The following SEMA6A variants were observed in gnomAD, a reference collection of about 807,000 sequenced individuals.
SEMA6A encodes the protein semaphorin 6A, also known as semaphorin-6A.
A neutral mutation model predicts 96.8 loss-of-function variants in SEMA6A; 25 were observed. The observed-to-expected ratio is 0.26, with a 90% CI of 0.19 to 0.36. The LOEUF (loss-of-function observed/expected upper bound fraction) is 0.36, where lower values mean the gene tolerates loss of function less well. SEMA6A is among the 10% of genes least tolerant of loss of function. The pLI is 1.00. For missense variants in SEMA6A, 1,363 were observed against 1,323.1 expected, an observed-to-expected ratio of 1.03 and a Z score of -0.47; for synonymous variants, 612 against 518.0, an observed-to-expected ratio of 1.18 and a Z score of -2.46.
chr5:116,491,689 A>G (rs1156674899), intron 7 of SEMA6A, 51 bp downstream of exon 7: 1 of 1,358,830 alleles, frequency 7.4e-7, no homozygotes, highest in East Asian at 2.3e-5. Flanking sequence ...TCACAGTGAC[A>G]GGATGAAACA....
At chr5:116,490,775 T>C (rs1348473165) in intron 7 of SEMA6A, among the ~76,000 whole-genome samples, 2 of 152,208 alleles carry the variant, frequency 1.3e-5, no homozygotes. Context: ...AGCTAGTATG[T>C]GCCAGTTTTT....
chr5:116,473,179 G>T, intron 16 of SEMA6A, 86 bp from the exon 17 acceptor site: 2 of 1,327,548 alleles, frequency 1.5e-6, no homozygotes, highest in Non-Finnish European at 2.1e-6. Flanking sequence ...AGCTAACACA[G>T]AACTATGCCA....
chr5:116,500,184 T>C (rs1317188250), intron 3 of SEMA6A, among the ~76,000 whole-genome samples: 1 of 152,214 alleles, frequency 6.6e-6, no homozygotes, highest in Non-Finnish European at 1.5e-5. Context: ...CTACTCATAA[T>C]GACCATGTTC....
intron 1 of SEMA6A, among the ~76,000 whole-genome samples, chr5:116,513,222 G>A (rs1758503092): frequency 6.6e-6 from 1 of 152,036 alleles, no homozygotes; most frequent in East Asian, 1.9e-4. Flanking sequence ...CTGCCTCCCA[G>A]GTTCAAGTGA....
At chr5:116,555,462 C>T (rs558642761) in intron 1 of SEMA6A, among the ~76,000 whole-genome samples, 5 of 152,206 alleles carry the variant, frequency 3.3e-5, no homozygotes, top group East Asian at 1.9e-4. Context: ...TTTATTGGTA[C>T]GAGTAGTTAA....
At chr5:116,466,566 T>C (rs1430097446) in intron 18 of SEMA6A, among the ~76,000 whole-genome samples, 1 of 152,058 alleles carries the variant, frequency 6.6e-6, no homozygotes, top group East Asian at 1.9e-4. Flanking sequence ...AAAAAGCAGA[T>C]GAAAATGTAG....
intron 17 of SEMA6A, 51 bp downstream of exon 17, chr5:116,473,022 C>A: frequency 6.4e-7 from 1 of 1,560,562 alleles, no homozygotes; most frequent in East Asian, 2.3e-5. Context: ...AATAGACATT[C>A]TCAGATAGGT....
chr5:116,512,910 A>G (rs1378171274), intron 1 of SEMA6A, among the ~76,000 whole-genome samples: 1 of 152,214 alleles, frequency 6.6e-6, no homozygotes, highest in Non-Finnish European at 1.5e-5. Context: ...TACCTGTGGT[A>G]TGCTCTAGCT....
In SEMA6A at chr5:116,477,843, T is replaced by A; in HGVS notation, c.1649+3A>T. The A allele has an allele frequency of 6.2e-7, 1 of 1,613,670 alleles. No individual in the cohort carries two copies. The highest frequency in any genetic ancestry group is 8.5e-7 in the Non-Finnish European group (1 of 1,179,834). On this transcript the variant is annotated splice_donor_region_variant and intron_variant, in intron 15 of 18. Transcript: ENST00000343348. ...ACCCTCTCCCACACCTCAGGCTGCC[T>A]ACCTGCTGTTGGGTGATAAATGGCT...
At chr5:116,568,117 T>C (rs1422867038) in intron 1 of SEMA6A, among the ~76,000 whole-genome samples, 1 of 152,166 alleles carries the variant, frequency 6.6e-6, no homozygotes, top group Non-Finnish European at 1.5e-5. Context: ...CTACCAAAAA[T>C]AATTTAGAAG....
chr5:116,448,053 G>C (rs1049062517), intron 18 of SEMA6A, among the ~76,000 whole-genome samples: 1 of 151,850 alleles, frequency 6.6e-6, no homozygotes, highest in African/African-American at 2.4e-5. Flanking sequence ...TGCTGTTCAG[G>C]CCGGGCACGG....
chr5:116,449,348 C>G, intron 18 of SEMA6A: 1 of 702,358 alleles, frequency 1.4e-6, no homozygotes, highest in South Asian at 1.5e-5. Context: ...CATTTTTCAT[C>G]TACTAAATCA....
rs767317849 is a variant in SEMA6A, at chr5:116,480,344, G to C, written c.1095-67C>G. On this transcript the variant is annotated intron_variant, in intron 11 of 18. Transcript: ENST00000343348. ...CTGCCTTATGGCAAATTCTTTGAAT[G>C]AACTGCTTCTCTAAGCATCTGGAAT... 35 of 1,575,362 alleles carry C rather than the reference G, an allele frequency of 2.2e-5. No individual in the cohort carries two copies. In the Middle Eastern group the frequency reaches 1.0e-3, roughly 45 times the overall value.
At chr5:116,465,699 G>C (rs2112641640) in intron 18 of SEMA6A, among the ~76,000 whole-genome samples, 1 of 152,250 alleles carries the variant, frequency 6.6e-6, no homozygotes, top group Non-Finnish European at 1.5e-5. Context: ...CATTCCTTGG[G>C]GGGAGTTAAC....
At chr5:116,564,854 G>A (rs575678406) in intron 1 of SEMA6A, among the ~76,000 whole-genome samples, 32 of 152,316 alleles carry the variant, frequency 2.1e-4, no homozygotes, top group African/African-American at 7.0e-4. Context: ...TAGCTCCTTA[G>A]CAATGAGTGT....
intron 7 of SEMA6A, among the ~76,000 whole-genome samples, chr5:116,489,741 A>G (rs1330475500): frequency 6.6e-6 from 1 of 152,166 alleles, no homozygotes; most frequent in East Asian, 1.9e-4. Flanking sequence ...TTTGGGGGAG[A>G]TACGATTGAG....
At chr5:116,474,658 T>G (rs559602281) in intron 16 of SEMA6A, among the ~76,000 whole-genome samples, 140 of 152,306 alleles carry the variant, frequency 9.2e-4, no homozygotes, top group Middle Eastern at 3.4e-3. Flanking sequence ...TCAGTACTTA[T>G]GACTGAAAGA....
At chr5:116,490,151 G>C (rs1757262505) in intron 7 of SEMA6A, among the ~76,000 whole-genome samples, 1 of 152,122 alleles carries the variant, frequency 6.6e-6, no homozygotes, top group Non-Finnish European at 1.5e-5. Context: ...GTTCAATTTA[G>C]AGATGTCTTA....
At chr5:116,524,476 A>C (rs1195077720) in intron 1 of SEMA6A, among the ~76,000 whole-genome samples, 2 of 152,190 alleles carry the variant, frequency 1.3e-5, no homozygotes, top group Non-Finnish European at 2.9e-5. Flanking sequence ...CTCTCTGACC[A>C]TATCCAGTTC....
Sources: allele counts gnomAD v4.1 joint callset (sites outside exome capture counted in the v4.1 genomes callset), GRCh38; gene constraint gnomAD v4.1.1; transcripts MANE v1.5; gene names NCBI Gene and HGNC (gene_info 2026-07-23, HGNC 2026-07-21).